The following RANBP2 variants were observed in gnomAD, a reference collection of about 807,000 sequenced individuals.
RANBP2 encodes the protein E3 SUMO-protein ligase RanBP2.
RANBP2 carries 57 observed loss-of-function variants against 303.6 expected under a neutral mutation model. The ratio of observed to expected loss-of-function variants is 0.19; its 90% CI spans 0.15 to 0.23. The LOEUF is 0.23. RANBP2 is among the 10% of genes least tolerant of loss of function. The pLI is 1.00. For missense variants in RANBP2, 3,138 were observed against 3,780.8 expected (o/e 0.83, Z 4.46); for synonymous variants, 1,167 against 1,301.5 (o/e 0.90, Z 2.23).
the RANBP2 span, among the ~76,000 whole-genome samples, chr2:108,979,875 G>A: frequency 2.0e-5 from 3 of 152,186 alleles, no homozygotes; most frequent in Non-Finnish European, 4.4e-5. Flanking sequence ...GGCAGCACAC[G>A]GGTAGGGGGG....
At chr2:109,341,053 G>A in the RANBP2 span, among the ~76,000 whole-genome samples, 1 of 152,268 alleles carries the variant, frequency 6.6e-6, no homozygotes, top group Non-Finnish European at 1.5e-5. Flanking sequence ...GTGTTTGAAG[G>A]GCAAGTCGTG....
At chr2:109,407,327 G>C in the RANBP2 span, among the ~76,000 whole-genome samples, 1 of 152,226 alleles carries the variant, frequency 6.6e-6, no homozygotes, top group Non-Finnish European at 1.5e-5. Flanking sequence ...TCAAAAGACA[G>C]CATTTCTCAA....
chr2:109,648,232 A>G, the RANBP2 span, among the ~76,000 whole-genome samples: 1 of 152,214 alleles, frequency 6.6e-6, no homozygotes, highest in Non-Finnish European at 1.5e-5. Flanking sequence ...CTGAACCAAC[A>G]GCAGAGAACT....
At chr2:108,817,480 A>G in the RANBP2 span, among the ~76,000 whole-genome samples, 2 of 151,858 alleles carry the variant, frequency 1.3e-5, no homozygotes, top group South Asian at 4.2e-4. Context: ...TTTAGTAGAG[A>G]CGGGGTTGCA....
At chr2:109,535,313 T>C in the RANBP2 span, among the ~76,000 whole-genome samples, 1 of 152,168 alleles carries the variant, frequency 6.6e-6, no homozygotes, top group East Asian at 1.9e-4. Flanking sequence ...TTGATGAATC[T>C]TCACAGAACC....
chr2:109,227,508 G>A, the RANBP2 span, among the ~76,000 whole-genome samples: 1 of 152,198 alleles, frequency 6.6e-6, no homozygotes, highest in African/African-American at 2.4e-5. Context: ...CTTCATGTTG[G>A]GTGCTTTGTG....
At chr2:109,487,676 C>T in the RANBP2 span, among the ~76,000 whole-genome samples, 2 of 152,182 alleles carry the variant, frequency 1.3e-5, no homozygotes, top group Admixed American at 6.5e-5. Context: ...AGCAGGGCCT[C>T]AGCGTCTCCA....
At chr2:109,648,985 G>T in the RANBP2 span, among the ~76,000 whole-genome samples, 1 of 152,122 alleles carries the variant, frequency 6.6e-6, no homozygotes, top group African/African-American at 2.4e-5. Context: ...GAGAGGGCTG[G>T]ATGTATAGGT....
chr2:108,803,197 G>A, the RANBP2 span, among the ~76,000 whole-genome samples: 6 of 152,194 alleles, frequency 3.9e-5, no homozygotes, highest in African/African-American at 1.4e-4. Context: ...CATTCTCCAA[G>A]CGTTTGCTCT....
the RANBP2 span, among the ~76,000 whole-genome samples, chr2:109,582,218 C>T: frequency 2.5e-3 from 375 of 151,960 alleles, 11 homozygotes; most frequent in East Asian, 0.057. Context: ...ATGACACCGA[C>T]AAACTGAAAA....
the RANBP2 span, among the ~76,000 whole-genome samples, chr2:109,326,026 T>G: frequency 6.6e-6 from 1 of 152,248 alleles, no homozygotes; most frequent in Non-Finnish European, 1.5e-5. Context: ...ACCATCAGCC[T>G]AAGAAATGTG....
chr2:109,449,026 G>A, the RANBP2 span: 1 of 930,620 alleles, frequency 1.1e-6, no homozygotes, highest in Non-Finnish European at 1.6e-6. Context: ...CATCTGTGAA[G>A]AGGCCAGGTC....
the RANBP2 span, among the ~76,000 whole-genome samples, chr2:108,876,957 G>C: frequency 6.6e-6 from 1 of 152,112 alleles, no homozygotes; most frequent in Non-Finnish European, 1.5e-5. Flanking sequence ...GGTAAAACTT[G>C]GGACTTAGGA....
At chr2:109,000,022 G>A in the RANBP2 span, among the ~76,000 whole-genome samples, 1 of 152,204 alleles carries the variant, frequency 6.6e-6, no homozygotes, top group Non-Finnish European at 1.5e-5. Flanking sequence ...AGACAAATCT[G>A]TGCTTCCTTT....
the RANBP2 span, among the ~76,000 whole-genome samples, chr2:109,279,628 C>T: frequency 1.3e-5 from 2 of 152,202 alleles, no homozygotes; most frequent in Non-Finnish European, 2.9e-5. Context: ...CACCCCTTCA[C>T]CTTTTCCCAG....
At chr2:109,539,441 C>A in the RANBP2 span, among the ~76,000 whole-genome samples, 1 of 152,122 alleles carries the variant, frequency 6.6e-6, no homozygotes, top group Non-Finnish European at 1.5e-5. Flanking sequence ...ACCCGTGAAG[C>A]CTGGCAACCA....
At chr2:109,709,263 A>G in the RANBP2 span, among the ~76,000 whole-genome samples, 113,250 of 149,714 alleles carry the variant, frequency 0.76, 46,554 homozygotes, top group East Asian at 0.97. Context: ...CTGAGATCGC[A>G]CCATTGCGCT....
At chr2:109,146,427 T>A in the RANBP2 span, among the ~76,000 whole-genome samples, 1 of 152,226 alleles carries the variant, frequency 6.6e-6, no homozygotes, top group Non-Finnish European at 1.5e-5. Context: ...CTGTGGAGTC[T>A]TCTTGCATCA....
At chr2:109,673,014 A>G in the RANBP2 span, among the ~76,000 whole-genome samples, 1 of 152,216 alleles carries the variant, frequency 6.6e-6, no homozygotes, top group Non-Finnish European at 1.5e-5. Context: ...AAAACTTGAG[A>G]TATATAGAGT....
Sources: gnomAD v4.1 joint callset for allele counts (sites outside exome capture counted in the v4.1 genomes callset) on GRCh38, gnomAD v4.1.1 for gene constraint, MANE v1.5 for transcripts, NCBI Gene and HGNC (gene_info 2026-07-23, HGNC 2026-07-21) for gene names.